Variants in RARB observed in about 807,000 individuals in gnomAD.
The protein encoded by RARB is retinoic acid receptor beta.
Under a neutral mutation model 51.9 loss-of-function variants are expected in RARB, and 17 were observed. That is an observed-to-expected ratio of 0.33 (90% CI 0.22 to 0.49). The LOEUF (loss-of-function observed/expected upper bound fraction) is 0.49. Among genes scored for constraint, RARB ranks in the 20% least tolerant of loss-of-function variants. RARB has a pLI of 0.99. For synonymous variants in RARB, 215 were observed against 195.4 expected, an observed-to-expected ratio of 1.10 and a Z score of -0.84; for missense variants, 369 against 550.8, an observed-to-expected ratio of 0.67 and a Z score of 3.30.
intron 5 of RARB, among the ~76,000 whole-genome samples, chr3:25,381,254 G>T (rs1350187255): frequency 1.3e-5 from 2 of 152,160 alleles, no homozygotes; most frequent in African/African-American, 4.8e-5. Context: ...TCCCAAGGAG[G>T]ACTCTCTGAA....
intron 2 of RARB, among the ~76,000 whole-genome samples, chr3:25,004,887 G>T (rs1410378395): frequency 6.6e-6 from 1 of 152,092 alleles, no homozygotes; most frequent in Non-Finnish European, 1.5e-5. Context: ...AATAGTGTCA[G>T]AACAGTTCTA....
chr3:24,913,681 C>G (rs1658287609), intron 2 of RARB, among the ~76,000 whole-genome samples: 1 of 152,114 alleles, frequency 6.6e-6, no homozygotes, highest in Non-Finnish European at 1.5e-5. Context: ...TGATAACACT[C>G]ATCTGAGTCT....
At chr3:25,493,824 C>G (rs552466919) in intron 2 of RARB, among the ~76,000 whole-genome samples, 1 of 152,284 alleles carries the variant, frequency 6.6e-6, no homozygotes, top group East Asian at 1.9e-4. Flanking sequence ...TAATTCCTTT[C>G]TTCAAACAAT....
In RARB at chr3:25,411,785, G is replaced by A. The variant is rs530509605; in HGVS notation, c.179-49408G>A. Among the ~76,000 whole-genome samples, 5 of 152,338 alleles carry A rather than the reference G, an allele frequency of 3.3e-5. No homozygotes were observed. In the South Asian group the frequency reaches 1.0e-3, roughly 32 times the overall value. ...ACAAGGACAATTTCCTGGCTGGAAA[G>A]ACAGTGACCCTTGGACGTCCAGAGA... On this transcript the variant is annotated intron_variant, in intron 5 of 11. Coordinates refer to the RARB transcript ENST00000383772.
intron 2 of RARB, among the ~76,000 whole-genome samples, chr3:24,880,968 A>G (rs1231087664): frequency 1.3e-5 from 2 of 152,176 alleles, no homozygotes; most frequent in Non-Finnish European, 2.9e-5. Context: ...CTGTGTCCCC[A>G]CCCAAATCTC....
chr3:24,869,375 T>C (rs1199509416), intron 2 of RARB, among the ~76,000 whole-genome samples: 1 of 152,146 alleles, frequency 6.6e-6, no homozygotes, highest in African/African-American at 2.4e-5. Context: ...CACATAAATG[T>C]AAAATTAAGA....
chr3:25,493,379 T>C (rs1696846344), intron 2 of RARB, among the ~76,000 whole-genome samples: 1 of 152,184 alleles, frequency 6.6e-6, no homozygotes, highest in South Asian at 2.1e-4. Context: ...TTTCCTGGTT[T>C]AAAAACCATG....
chr3:25,261,114 A>G (rs1702986868), intron 5 of RARB, among the ~76,000 whole-genome samples: 2 of 152,124 alleles, frequency 1.3e-5, no homozygotes, highest in African/African-American at 4.8e-5. Flanking sequence ...TAGGGAGTAC[A>G]TGTTCTACAT....
intron 1 of RARB, among the ~76,000 whole-genome samples, chr3:24,848,656 C>T (rs570237070): frequency 8.5e-4 from 130 of 152,348 alleles, no homozygotes; most frequent in Non-Finnish European, 1.3e-3. Flanking sequence ...GTTTGCAATG[C>T]TTCTGCTTTT....
chr3:24,921,262 A>C (rs1559396934), intron 2 of RARB, among the ~76,000 whole-genome samples: 1 of 152,146 alleles, frequency 6.6e-6, no homozygotes, highest in Non-Finnish European at 1.5e-5. Flanking sequence ...TGTGTTCAGC[A>C]CTGTGCTACA....
At chr3:25,575,053 C>T (rs944544900) in intron 4 of RARB, among the ~76,000 whole-genome samples, 1 of 152,176 alleles carries the variant, frequency 6.6e-6, no homozygotes, top group East Asian at 1.9e-4. Context: ...GGTCCCCAAC[C>T]TTCTTGGCAC....
intron 2 of RARB, among the ~76,000 whole-genome samples, chr3:25,001,703 T>C (rs1399008343): frequency 1.3e-5 from 2 of 152,204 alleles, no homozygotes; most frequent in African/African-American, 4.8e-5. Flanking sequence ...TGTTGATAAA[T>C]ATTGTTCCAT....
intron 3 of RARB, among the ~76,000 whole-genome samples, chr3:25,509,323 A>T (rs1697770312): frequency 6.6e-6 from 1 of 152,228 alleles, no homozygotes; most frequent in Admixed American, 6.5e-5. Flanking sequence ...CTTGGCACAT[A>T]GTAAGTGCCG....
intron 4 of RARB, among the ~76,000 whole-genome samples, chr3:25,161,420 G>A (rs1700471320): frequency 6.6e-6 from 1 of 152,088 alleles, no homozygotes; most frequent in East Asian, 1.9e-4. Context: ...CAGGTTCTGG[G>A]AATTAGAACA....
At chr3:25,384,183 G>A (rs1403187497) in intron 5 of RARB, among the ~76,000 whole-genome samples, 2 of 152,108 alleles carry the variant, frequency 1.3e-5, no homozygotes, top group Non-Finnish European at 2.9e-5. Flanking sequence ...ATGAGCCCCT[G>A]CACCCCAGTA....
At chr3:24,897,557 TA>T (rs993190584) in intron 2 of RARB, among the ~76,000 whole-genome samples, 1 of 152,172 alleles carries the variant, frequency 6.6e-6, no homozygotes, top group Non-Finnish European at 1.5e-5. Context: ...TAGAATACTA[TA>T]AAAAACTTGA....
chr3:25,038,348 A>G (rs1698042182), intron 2 of RARB, among the ~76,000 whole-genome samples: 2 of 151,672 alleles, frequency 1.3e-5, no homozygotes, highest in Non-Finnish European at 2.9e-5. Flanking sequence ...AAGATGAAAA[A>G]AATTGTCTAA....
At chr3:25,351,516 G>A (rs1361315786) in intron 5 of RARB, among the ~76,000 whole-genome samples, 3 of 151,988 alleles carry the variant, frequency 2.0e-5, no homozygotes, top group South Asian at 2.1e-4. Context: ...TGAATGCCCA[G>A]TCTATTTCTT....
intron 3 of RARB, among the ~76,000 whole-genome samples, chr3:25,062,336 C>T (rs775595281): frequency 3.3e-5 from 5 of 151,814 alleles, no homozygotes; most frequent in Non-Finnish European, 7.4e-5. Flanking sequence ...CCAGCAATGG[C>T]AAAGCCATAG....
Sources: allele counts gnomAD v4.1 joint callset (sites outside exome capture counted in the v4.1 genomes callset), GRCh38; gene constraint gnomAD v4.1.1; transcripts MANE v1.5; gene names NCBI Gene and HGNC (gene_info 2026-07-23, HGNC 2026-07-21).